SLA: variants seen among roughly 807,000 people sequenced by gnomAD.
SLA encodes src-like-adapter.
SLA carries 16 observed loss-of-function variants against 30.3 expected under a neutral mutation model. That is an observed-to-expected ratio of 0.53 (90% CI 0.36 to 0.80). The LOEUF (loss-of-function observed/expected upper bound fraction) is 0.80, where lower values mean the gene tolerates loss of function less well. Among genes scored for constraint, SLA ranks in the 30% least tolerant of loss-of-function variants. The pLI is 0.01. For synonymous variants in SLA, 143 were observed against 137.8 expected, an observed-to-expected ratio of 1.04 and a Z score of -0.26; for missense variants, 310 against 345.2, an observed-to-expected ratio of 0.90 and a Z score of 0.81.
At chr8:133,051,552 T>G (rs1840408014) in intron 3 of SLA, among the ~76,000 whole-genome samples, 1 of 152,048 alleles carries the variant, frequency 6.6e-6, no homozygotes, top group Admixed American at 6.6e-5. Flanking sequence ...ATAGGGACAT[T>G]TGTTGAGGGT....
chr8:133,061,793 G>C (rs778869950), intron 2 of SLA, among the ~76,000 whole-genome samples: 2 of 152,164 alleles, frequency 1.3e-5, no homozygotes, highest in African/African-American at 2.4e-5. Context: ...TGCCCTATGT[G>C]TACAGGTTCT....
chr8:133,043,083 C>T (rs1185256106), intron 7 of SLA, among the ~76,000 whole-genome samples: 5 of 152,110 alleles, frequency 3.3e-5, no homozygotes, highest in African/African-American at 7.2e-5. Context: ...GAAACAGTTC[C>T]GGTTTTTACC....
In SLA at chr8:133,095,069, C is replaced by T. The variant is rs751428040; in HGVS notation, c.-319+7484G>A. ...GGAGGCTCCGCACTCTCCCCGGCCG[C>T]CGTCATCAGCCATGAGAGGGCTCAG... is the stretch of plus-strand genomic sequence containing the variant. On this transcript the variant is annotated intron_variant, in intron 1 of 8. Transcript: ENST00000338087. 1.9e-6 allele frequency: 3 copies of T among 1,613,910 alleles called. No individual in the cohort carries two copies. Among genetic ancestry groups the T allele is most frequent in the Non-Finnish European group, 2.5e-6 (3 of 1,180,048 alleles).
At chr8:133,091,472 T>C (rs1013994894) in intron 1 of SLA, among the ~76,000 whole-genome samples, 5 of 152,168 alleles carry the variant, frequency 3.3e-5, no homozygotes, top group African/African-American at 7.2e-5. Context: ...ACCCCGCTTC[T>C]TGTTGCTTTG....
chr8:133,085,209 T>C (rs2131563231), intron 1 of SLA, among the ~76,000 whole-genome samples: 1 of 152,348 alleles, frequency 6.6e-6, no homozygotes, highest in East Asian at 1.9e-4. Flanking sequence ...TAGCAGTCCA[T>C]TGTAAAAACA....
At chr8:133,095,205 C>A in intron 1 of SLA, 1 of 1,614,190 alleles carries the variant, frequency 6.2e-7, no homozygotes, top group Non-Finnish European at 8.5e-7. Context: ...ATGCCCAGAC[C>A]AAGGTGAGCA....
intron 3 of SLA, among the ~76,000 whole-genome samples, chr8:133,054,623 T>C (rs1040072379): frequency 2.0e-5 from 3 of 152,242 alleles, no homozygotes; most frequent in African/African-American, 7.2e-5. Context: ...TGTTAGCCAA[T>C]AACTTTCTAA....
At chr8:133,067,095 AAG>A (rs1346094345) in intron 2 of SLA, among the ~76,000 whole-genome samples, 3 of 152,162 alleles carry the variant, frequency 2.0e-5, no homozygotes, top group African/African-American at 7.2e-5. Context: ...CAGGAAAAAT[AAG>A]AGCTGGCACA....
chr8:133,095,141 C>G (rs1184955426), intron 1 of SLA: 7 of 1,614,126 alleles, frequency 4.3e-6, no homozygotes, highest in Non-Finnish European at 5.9e-6. Context: ...CCCATGTCAT[C>G]CAGCCAAGAA....
chr8:133,040,990 C>T (rs1587842382), intron 7 of SLA, among the ~76,000 whole-genome samples: 1 of 152,326 alleles, frequency 6.6e-6, no homozygotes. Flanking sequence ...AGGCACATTA[C>T]GATGTAGCTT....
In SLA at chr8:133,045,089, T is replaced by A. The variant is rs760967434; in HGVS notation, c.379A>T (p.Arg127Trp). The A allele has an allele frequency of 1.2e-6, 2 of 1,614,224 alleles. No homozygotes were observed. The highest frequency in any genetic ancestry group is 3.3e-5 in the Admixed American group (2 of 60,032). The change falls in exon 7 of 9, where the codon AGG becomes TGG. Residue 127 changes from arginine (R) to tryptophan (W), a missense_variant. Arg to Trp is a moderately radical substitution (Grantham distance 101). Transcript: ENST00000338087. ...AAAATGCGGTAATGCTTTACCTGCCTGTGTCTCACCGACAGTGAGTAAAAC... is the reference window on the plus strand; with the variant it reads ...AAAATGCGGTAATGCTTTACCTGCCAGTGTCTCACCGACAGTGAGTAAAAC... ...KGFYSLSVRH[R>W]QVKHYRIFRL... is the part of the protein sequence containing the mutation.
At chr8:133,050,039 C>T in intron 4 of SLA, 51 bp from the exon 5 acceptor site, 1 of 1,182,548 alleles carries the variant, frequency 8.5e-7, no homozygotes, top group Admixed American at 1.7e-5. Context: ...ATAGCAAAAC[C>T]AAAGGATGAA....
At chr8:133,070,714 A>G (rs1052143385) in intron 2 of SLA, among the ~76,000 whole-genome samples, 3 of 152,202 alleles carry the variant, frequency 2.0e-5, no homozygotes, top group African/African-American at 7.2e-5. Context: ...TAAAACTTTA[A>G]TTCTAAAAGC....
chr8:133,062,364 C>T (rs543219746), intron 2 of SLA, among the ~76,000 whole-genome samples: 37 of 152,326 alleles, frequency 2.4e-4, no homozygotes, highest in Middle Eastern at 3.4e-3. Flanking sequence ...CTGAGCCTGG[C>T]GAAGGTACCC....
intron 3 of SLA, among the ~76,000 whole-genome samples, chr8:133,054,403 A>G (rs553037689): frequency 2.0e-4 from 30 of 152,278 alleles, no homozygotes; most frequent in African/African-American, 7.2e-4. Flanking sequence ...CACCTCCGCC[A>G]CTACACAGTG....
chr8:133,043,646 G>T (rs191159238), intron 7 of SLA, among the ~76,000 whole-genome samples: 30 of 152,246 alleles, frequency 2.0e-4, no homozygotes, highest in African/African-American at 6.3e-4. Context: ...GCCTCACAAG[G>T]TGCAAATCTG....
chr8:133,050,626 A>G, intron 4 of SLA, 190 bp downstream of exon 4: 1 of 530,254 alleles, frequency 1.9e-6, no homozygotes, highest in Non-Finnish European at 3.4e-6. Context: ...GGCAGTGGGG[A>G]GCTATGGAAG....
intron 1 of SLA, chr8:133,096,241 T>TCC (rs1268696751): frequency 1.2e-6 from 2 of 1,614,060 alleles, no homozygotes; most frequent in South Asian, 2.2e-5. Flanking sequence ...ACTACTGGGG[T>TCC]CCTGTGATCG....
intron 3 of SLA, among the ~76,000 whole-genome samples, chr8:133,055,620 G>T (rs977628880): frequency 2.0e-5 from 3 of 152,170 alleles, no homozygotes; most frequent in Non-Finnish European, 2.9e-5. Context: ...GAACTAAACA[G>T]ACCTTGAGTC....
Sources: allele counts gnomAD v4.1 joint callset (sites outside exome capture counted in the v4.1 genomes callset), GRCh38; gene constraint gnomAD v4.1.1; transcripts MANE v1.5; gene names NCBI Gene and HGNC (gene_info 2026-07-23, HGNC 2026-07-21).